Variants in PLBD1 observed in about 807,000 individuals in gnomAD.
PLBD1 encodes the protein lysosomal leucine aminopeptidase.
In PLBD1, 60 loss-of-function variants were observed where a neutral mutation model predicts 63.0. The observed-to-expected ratio is 0.95, with a 90% CI of 0.77 to 1.18. The LOEUF (loss-of-function observed/expected upper bound fraction) is 1.18. PLBD1 is among the 50% of genes most tolerant of loss of function. The probability of loss-of-function intolerance (pLI) is 0.00; values close to 1 mark genes in which losing one functional copy is unlikely to be tolerated. For missense variants in PLBD1, 598 were observed against 677.9 expected, an observed-to-expected ratio of 0.88 and a Z score of 1.31; for synonymous variants, 262 against 248.0, an observed-to-expected ratio of 1.06 and a Z score of -0.53.
intron 10 of PLBD1, among the ~76,000 whole-genome samples, chr12:14,505,648 C>G (rs79143714): frequency 6.6e-6 from 1 of 152,184 alleles, no homozygotes; most frequent in African/African-American, 2.4e-5. Flanking sequence ...CATTACAGCA[C>G]TTATCAATTC....
chr12:14,547,816 G>C (rs1240100851), intron 2 of PLBD1, among the ~76,000 whole-genome samples: 1 of 152,024 alleles, frequency 6.6e-6, no homozygotes, highest in Non-Finnish European at 1.5e-5. Context: ...GACCATATTG[G>C]GCTCCTTTAG....
intron 1 of PLBD1, 97 bp downstream of exon 1, chr12:14,567,485 C>T: frequency 1.5e-6 from 2 of 1,375,464 alleles, no homozygotes; most frequent in Non-Finnish European, 9.3e-7. Flanking sequence ...AACCAGACGC[C>T]CGCTGGACGT....
chr12:14,550,571 C>T (rs1945649226), intron 2 of PLBD1, among the ~76,000 whole-genome samples: 1 of 151,884 alleles, frequency 6.6e-6, no homozygotes, highest in Non-Finnish European at 1.5e-5. Flanking sequence ...ATAGTGAGAC[C>T]TCATCTCTAC....
At chr12:14,539,897 T>TAC (rs1945552251) in intron 4 of PLBD1, among the ~76,000 whole-genome samples, 1 of 149,366 alleles carries the variant, frequency 6.7e-6, no homozygotes, top group African/African-American at 2.5e-5. Context: ...CACATATATA[T>TAC]ACACACATAT....
At chr12:14,546,909 C>G (rs1945620858) in intron 2 of PLBD1, among the ~76,000 whole-genome samples, 1 of 151,728 alleles carries the variant, frequency 6.6e-6, no homozygotes, top group South Asian at 2.1e-4. Flanking sequence ...CAGATGGAGT[C>G]TAGCTCTGTC....
At chr12:14,521,410 T>A (rs1191045486) in intron 6 of PLBD1, among the ~76,000 whole-genome samples, 1 of 152,044 alleles carries the variant, frequency 6.6e-6, no homozygotes, top group East Asian at 1.9e-4. Context: ...GTAGGCCTTG[T>A]GCACCCGTGG....
chr12:14,513,587 T>C (rs1945315729), intron 6 of PLBD1, among the ~76,000 whole-genome samples: 1 of 152,182 alleles, frequency 6.6e-6, no homozygotes, highest in Non-Finnish European at 1.5e-5. Flanking sequence ...TCAGAAGACC[T>C]GCATTTTAGT....
chr12:14,551,844 G>A (rs1216813875), intron 2 of PLBD1, among the ~76,000 whole-genome samples: 2 of 152,134 alleles, frequency 1.3e-5, no homozygotes, highest in Non-Finnish European at 2.9e-5. Flanking sequence ...AGTGCGAACA[G>A]AAGTGGATAA....
intron 8 of PLBD1, among the ~76,000 whole-genome samples, chr12:14,510,177 C>G (rs1304949539): frequency 6.6e-6 from 1 of 152,152 alleles, no homozygotes; most frequent in East Asian, 1.9e-4. Flanking sequence ...GCAGACAGAT[C>G]ACCTGAGGTC....
chr12:14,540,135 G>T (rs1945560234), intron 4 of PLBD1, among the ~76,000 whole-genome samples: 2 of 25,910 alleles, frequency 7.7e-5, no homozygotes, highest in Admixed American at 4.5e-4. Context: ...TATATATACT[G>T]GCAAAATAGA....
chr12:14,536,616 T>G lies in PLBD1; in HGVS notation c.653A>C (p.Lys218Thr), dbSNP rs770268732. ...SLSPTKNGSL[K>T]VFKRWDMGHC... ...TCCCATGTCCCATCTCTTAAAAACC[T>G]TTAGGCTGCCGTTTTTTGTGGGAGA... Residue 218 changes from lysine (K) to threonine (T), a missense_variant, in exon 5 of 11, where the codon AAG becomes ACG. Physicochemically the swap from Lys to Thr is moderately conservative, Grantham distance 78 (BLOSUM62 -1). Transcript: ENST00000240617. 3 of 1,614,174 alleles carry G rather than the reference T, an allele frequency of 1.9e-6. No individual in the cohort carries two copies. Among genetic ancestry groups the G allele is most frequent in the South Asian group, 2.2e-5 (2 of 91,074 alleles).
intron 6 of PLBD1, among the ~76,000 whole-genome samples, chr12:14,516,059 G>A (rs113272928): frequency 1.3e-5 from 2 of 151,136 alleles, no homozygotes; most frequent in Non-Finnish European, 2.9e-5. Context: ...GGCCGGGCAC[G>A]GTGGCTCACG....
chr12:14,561,364 C>T (rs760374477), intron 1 of PLBD1, among the ~76,000 whole-genome samples: 3 of 151,896 alleles, frequency 2.0e-5, no homozygotes, highest in Admixed American at 6.6e-5. Flanking sequence ...TCAACTTTGC[C>T]CCATTCTGGT....
intron 6 of PLBD1, among the ~76,000 whole-genome samples, chr12:14,533,589 C>T (rs1186245460): frequency 1.3e-5 from 2 of 152,146 alleles, no homozygotes; most frequent in African/African-American, 4.8e-5. Flanking sequence ...AAGCAGTGCA[C>T]ATAACATCTG....
chr12:14,530,459 G>A (rs1337678800), intron 6 of PLBD1, among the ~76,000 whole-genome samples: 1 of 151,832 alleles, frequency 6.6e-6, no homozygotes, highest in Non-Finnish European at 1.5e-5. Flanking sequence ...TGTGGCAATG[G>A]GTAACCAATA....
chr12:14,511,488 A>AACT, intron 7 of PLBD1, 23 bp downstream of exon 7: 6 of 1,614,154 alleles, frequency 3.7e-6, no homozygotes, highest in Non-Finnish European at 5.1e-6. Context: ...TGTGCCTAAC[A>AACT]GTTATTCTGC....
At chr12:14,556,472 C>T (rs893933848) in intron 1 of PLBD1, among the ~76,000 whole-genome samples, 2 of 151,854 alleles carry the variant, frequency 1.3e-5, no homozygotes, top group African/African-American at 2.4e-5. Context: ...CAGTTTCAAA[C>T]GATTCTCCTG....
chr12:14,511,788 A>G (rs1945300385), intron 6 of PLBD1, 77 bp from the exon 7 acceptor site: 2 of 1,379,422 alleles, frequency 1.4e-6, no homozygotes, highest in Admixed American at 1.8e-5. Flanking sequence ...AAAGAGCTTT[A>G]CATACACAAT....
In PLBD1 at chr12:14,511,294, T is replaced by C; in HGVS notation, c.1152A>G (p.Val384=). Residue 384 remains valine, a synonymous_variant, in exon 8 of 11, where the codon GTA becomes GTG. Transcript: ENST00000240617. ...LYIVEQIPTY[V]EYSEQTDVLR... ...GAACATCAGTTTGTTCAGAATATTC[T>C]ACATATGTAGGAATTTGCTCCACAA... 1 of 1,605,324 alleles carries C rather than the reference T, an allele frequency of 6.2e-7. No homozygotes were observed. Among genetic ancestry groups the C allele is most frequent in the Non-Finnish European group, 8.5e-7 (1 of 1,177,688 alleles).
Sources: gnomAD v4.1 joint callset for allele counts (sites outside exome capture counted in the v4.1 genomes callset) on GRCh38, gnomAD v4.1.1 for gene constraint, MANE v1.5 for transcripts, NCBI Gene and HGNC (gene_info 2026-07-23, HGNC 2026-07-21) for gene names.